The following ACOT12 variants were observed in gnomAD, a reference collection of about 807,000 sequenced individuals.
ACOT12 encodes the protein acetyl-coenzyme A thioesterase.
A neutral mutation model predicts 67.7 loss-of-function variants in ACOT12; 51 were observed. That is an observed-to-expected ratio of 0.75 (90% CI 0.60 to 0.95). ACOT12 has a LOEUF of 0.95. Ranked by LOEUF, ACOT12 falls within the 40% of genes least tolerant of loss-of-function variation. The pLI is 0.00. For synonymous variants in ACOT12, 251 were observed against 244.6 expected, an observed-to-expected ratio of 1.03 and a Z score of -0.24; for missense variants, 734 against 708.1, an observed-to-expected ratio of 1.04 and a Z score of -0.41.
chr5:81,370,451 G>A (rs1048817468), intron 3 of ACOT12, among the ~76,000 whole-genome samples: 1 of 152,222 alleles, frequency 6.6e-6, no homozygotes, highest in Non-Finnish European at 1.5e-5. Flanking sequence ...TGTTGCAGAT[G>A]TAATTAGTTA....
intron 5 of ACOT12, among the ~76,000 whole-genome samples, chr5:81,356,104 G>A (rs1759704741): frequency 6.6e-6 from 1 of 152,040 alleles, no homozygotes; most frequent in Non-Finnish European, 1.5e-5. Context: ...TGATAGGAGT[G>A]TTTACTTTGG....
intron 1 of ACOT12, 74 bp downstream of exon 1, chr5:81,393,914 C>CG (rs935516941): frequency 9.5e-6 from 12 of 1,266,978 alleles, no homozygotes; most frequent in African/African-American, 7.9e-5. Context: ...CCTTCCTACC[C>CG]CCCCCAGCCC....
intron 11 of ACOT12, among the ~76,000 whole-genome samples, chr5:81,341,842 A>G (rs1207286891): frequency 6.6e-6 from 1 of 152,238 alleles, no homozygotes; most frequent in Non-Finnish European, 1.5e-5. Flanking sequence ...AGTCCAGACA[A>G]GGCCTCTTTC....
At position 81,394,060 on chromosome 5, in the gene ACOT12, G is replaced by T. The variant is rs1241590751; in HGVS notation, c.55C>A (p.His19Asn). 2 of 1,474,062 alleles carry T rather than the reference G, an allele frequency of 1.4e-6. No individual in the cohort carries two copies. The allele number at this position is 1,474,062 out of a possible 1,614,324, so 91.3% of individuals were successfully genotyped here. The change falls in exon 1 of 15, where the codon CAC becomes AAC. Residue 19 changes from histidine to asparagine, a missense_variant. His to Asn is a moderately conservative substitution (Grantham distance 68). Coordinates refer to ENST00000307624, the MANE Select transcript of ACOT12 (RefSeq NM_130767.3). Reference sequence around the variant, plus strand: ...CTCAGCTCGCCGCGCGCAGTGGCGTGCGCCGGCTGGATGGCTTGGCTCATG... The same window carrying T: ...CTCAGCTCGCCGCGCGCAGTGGCGTTCGCCGGCTGGATGGCTTGGCTCATG... ...VVMSQAIQPA[H>N]ATARGELSAG...
chr5:81,319,645 AG>A, the ACOT12 span, among the ~76,000 whole-genome samples: 1 of 150,498 alleles, frequency 6.6e-6, no homozygotes, highest in Admixed American at 6.7e-5. Flanking sequence ...TGAACCCGGG[AG>A]GTGGAGGTTG....
intron 2 of ACOT12, among the ~76,000 whole-genome samples, chr5:81,380,989 C>T (rs1326180026): frequency 5.3e-5 from 8 of 151,896 alleles, no homozygotes; most frequent in Admixed American, 1.3e-4. Flanking sequence ...TGTAGGTAAC[C>T]GTAACACAAT....
chr5:81,343,365 T>G (rs1483695743), intron 10 of ACOT12, among the ~76,000 whole-genome samples: 1 of 152,206 alleles, frequency 6.6e-6, no homozygotes, highest in Non-Finnish European at 1.5e-5. Flanking sequence ...TTTAGTATCA[T>G]TTTAGTTGGT....
chr5:81,374,779 CAAGAT>C (rs1027744836), intron 2 of ACOT12, among the ~76,000 whole-genome samples: 1 of 151,760 alleles, frequency 6.6e-6, no homozygotes, highest in Middle Eastern at 3.2e-3. Flanking sequence ...AAGTGAGAAA[CAAGAT>C]AAGAGAGAAA....
In ACOT12 at chr5:81,335,913, C is replaced by CA. The variant is rs1201209931; in HGVS notation, c.1129-13dup. The CA allele has an allele frequency of 1.9e-6, 3 of 1,589,932 alleles. No homozygotes were observed. Among genetic ancestry groups the CA allele is most frequent in the South Asian group, 1.2e-5 (1 of 85,806 alleles). On this transcript the variant is annotated splice_polypyrimidine_tract_variant and intron_variant, in intron 11 of 14. Coordinates refer to ENST00000307624, the MANE Select transcript of ACOT12 (RefSeq NM_130767.3). Reference sequence around the variant, plus strand: ...GTATATATTTTTATCTAAAAGACAACAAAAAAATTAAATTACGAAAGAAAA... The same window carrying CA: ...GTATATATTTTTATCTAAAAGACAACAAAAAAAATTAAATTACGAAAGAAAA...
intron 12 of ACOT12, 152 bp from the exon 13 acceptor site, chr5:81,332,757 GTCTGCCTTTAGAAGAGCTC>G (rs1255600642): frequency 6.5e-6 from 6 of 923,180 alleles, no homozygotes; most frequent in Non-Finnish European, 9.6e-6. Flanking sequence ...TATTGCTCAA[GTCTGCCTTTAGAAGAGCTC>G]TTTGAGGGTA....
chr5:81,311,331 GT>G, the ACOT12 span: 1 of 1,550,926 alleles, frequency 6.4e-7, no homozygotes, highest in Non-Finnish European at 8.9e-7. Flanking sequence ...ATTCCTCTGC[GT>G]TTTATTCTGC....
At chr5:81,354,644 G>A (rs1437622777) in intron 5 of ACOT12, among the ~76,000 whole-genome samples, 3 of 151,836 alleles carry the variant, frequency 2.0e-5, no homozygotes, top group South Asian at 2.1e-4. Context: ...GATTTGACAC[G>A]AATTATCTCT....
intron 4 of ACOT12, among the ~76,000 whole-genome samples, chr5:81,361,512 T>G (rs1413562982): frequency 6.6e-6 from 1 of 152,156 alleles, no homozygotes; most frequent in Non-Finnish European, 1.5e-5. Flanking sequence ...GATTTAACAA[T>G]TTTTGTAGTG....
chr5:81,346,236 C>T (rs1472738751), intron 6 of ACOT12, among the ~76,000 whole-genome samples: 1 of 152,204 alleles, frequency 6.6e-6, no homozygotes, highest in Admixed American at 6.5e-5. Flanking sequence ...CCTTTGGTAA[C>T]AGTCCTACTC....
At chr5:81,364,350 C>T (rs1760009729) in intron 3 of ACOT12, among the ~76,000 whole-genome samples, 1 of 151,332 alleles carries the variant, frequency 6.6e-6, no homozygotes, top group Admixed American at 6.6e-5. Context: ...ATATTACATA[C>T]ATATGACATG....
At chr5:81,379,376 T>C (rs1760512747) in intron 2 of ACOT12, among the ~76,000 whole-genome samples, 2 of 152,036 alleles carry the variant, frequency 1.3e-5, no homozygotes, top group Admixed American at 1.3e-4. Flanking sequence ...AAATACCTAA[T>C]GTTGATAATG....
chr5:81,356,800 C>T (rs1232763385), intron 5 of ACOT12, among the ~76,000 whole-genome samples: 1 of 151,424 alleles, frequency 6.6e-6, no homozygotes, highest in Non-Finnish European at 1.5e-5. Context: ...AAACTCTTTC[C>T]CTCCTGTCTC....
chr5:81,316,731 C>T, the ACOT12 span, among the ~76,000 whole-genome samples: 2 of 152,128 alleles, frequency 1.3e-5, no homozygotes, highest in Admixed American at 1.3e-4. Flanking sequence ...TTTGTTTCTC[C>T]TTTTTATTTT....
intron 13 of ACOT12, 111 bp downstream of exon 13, chr5:81,332,366 A>T: frequency 2.5e-6 from 3 of 1,219,342 alleles, no homozygotes; most frequent in Non-Finnish European, 3.4e-6. Flanking sequence ...TCAAATAAAC[A>T]TAATTCAAGA....
Sources: allele counts gnomAD v4.1 joint callset (sites outside exome capture counted in the v4.1 genomes callset), GRCh38; gene constraint gnomAD v4.1.1; transcripts MANE v1.5; gene names NCBI Gene and HGNC (gene_info 2026-07-23, HGNC 2026-07-21).